PRKG1: variants seen among roughly 807,000 people sequenced by gnomAD.
PRKG1 encodes protein kinase cGMP-dependent 1.
PRKG1 carries 35 observed loss-of-function variants against 88.1 expected under a neutral mutation model. The observed-to-expected ratio is 0.40, with a 90% CI of 0.30 to 0.53. The LOEUF is 0.53. Among genes scored for constraint, PRKG1 ranks in the 20% least tolerant of loss-of-function variants. PRKG1 has a pLI of 0.59. For synonymous variants in PRKG1, 303 were observed against 292.5 expected (o/e 1.04, Z -0.37); for missense variants, 540 against 839.8 (o/e 0.64, Z 4.41).
chr10:52,272,310 T>C, intron 11 of PRKG1, 82 bp from the exon 12 acceptor site: 8 of 1,083,794 alleles, frequency 7.4e-6, no homozygotes, highest in Non-Finnish European at 1.1e-5. Context: ...AAATCAAAAC[T>C]ATAATCTGGG....
intron 9 of PRKG1, 117 bp from the exon 10 acceptor site, chr10:52,251,453 G>C: frequency 1.3e-6 from 1 of 758,954 alleles, no homozygotes. Context: ...CTAAAAGCAA[G>C]ATGGAATGTA....
intron 2 of PRKG1, among the ~76,000 whole-genome samples, chr10:51,154,307 G>A (rs1322817571): frequency 6.6e-6 from 1 of 151,804 alleles, no homozygotes; most frequent in African/African-American, 2.4e-5. Context: ...GTGATATCTG[G>A]AGACATTTTT....
In PRKG1 at chr10:51,082,062, A is replaced by T. The variant is rs149432133; in HGVS notation, c.311+7161A>T. On this transcript the variant is annotated intron_variant, in intron 1 of 17. Transcript: ENST00000373980. ...TATGTAAGCCACCGCACCCCACCTG[A>T]TCATCTTTTTTTTAGGACAAAAACA... Among the ~76,000 whole-genome samples the T allele has an allele frequency of 2.1e-3, 315 of 152,254 alleles. 1 individual carries two copies. The highest frequency in any genetic ancestry group is 7.2e-3 in the African/African-American group (299 of 41,538).
At chr10:51,114,108 T>C (rs1385442258) in intron 1 of PRKG1, among the ~76,000 whole-genome samples, 2 of 152,144 alleles carry the variant, frequency 1.3e-5, no homozygotes, top group South Asian at 2.1e-4. Context: ...TCACTTTGCT[T>C]ATTCACTTCT....
chr10:52,014,623 C>T (rs200082097), intron 5 of PRKG1, among the ~76,000 whole-genome samples: 5 of 152,168 alleles, frequency 3.3e-5, no homozygotes, highest in Non-Finnish European at 5.9e-5. Flanking sequence ...CTCTTTCCAG[C>T]GTTAACTCAA....
intron 5 of PRKG1, among the ~76,000 whole-genome samples, chr10:52,014,566 C>T (rs189979014): frequency 1.3e-5 from 2 of 152,322 alleles, no homozygotes; most frequent in Admixed American, 1.3e-4. Context: ...TTCCTTTACA[C>T]ATTTCAAAAT....
chr10:51,664,100 A>G (rs1840366483), intron 3 of PRKG1, among the ~76,000 whole-genome samples: 3 of 152,074 alleles, frequency 2.0e-5, no homozygotes, highest in African/African-American at 7.2e-5. Flanking sequence ...CAGTGGGTTC[A>G]TTTTGCTGGA....
At position 51,315,010 on chromosome 10, in the gene PRKG1, A is replaced by G. The variant is rs1588828547; in HGVS notation, c.479-152713A>G. Among the ~76,000 whole-genome samples the G allele has an allele frequency of 2.6e-5, 4 of 152,204 alleles. No individual in the cohort carries two copies. In the South Asian group the frequency reaches 8.3e-4, roughly 32 times the overall value. ...AAGCAAATATTAACTTGGCTGGGATATGATTTTCAAACTACATTACAGTAG... is the reference window on the plus strand; with the variant it reads ...AAGCAAATATTAACTTGGCTGGGATGTGATTTTCAAACTACATTACAGTAG... On this transcript the variant is annotated intron_variant, in intron 2 of 17. Coordinates refer to ENST00000373980, the MANE Select transcript of PRKG1 (RefSeq NM_006258.4).
At chr10:51,277,208 T>C (rs1840146811) in intron 2 of PRKG1, among the ~76,000 whole-genome samples, 1 of 152,238 alleles carries the variant, frequency 6.6e-6, no homozygotes, top group Non-Finnish European at 1.5e-5. Flanking sequence ...GTACCATTTA[T>C]TAAATAGGCA....
chr10:51,573,780 T>C (rs1187559363), intron 3 of PRKG1, among the ~76,000 whole-genome samples: 1 of 151,958 alleles, frequency 6.6e-6, no homozygotes, highest in Admixed American at 6.6e-5. Context: ...TTTCTGTTTA[T>C]GCTCAATGAA....
At chr10:51,357,656 TC>T (rs1353506474) in intron 2 of PRKG1, among the ~76,000 whole-genome samples, 6 of 152,012 alleles carry the variant, frequency 3.9e-5, no homozygotes, top group Non-Finnish European at 5.9e-5. Flanking sequence ...AGTGGTCATA[TC>T]CCATAGTCAT....
intron 4 of PRKG1, among the ~76,000 whole-genome samples, chr10:51,834,615 C>T (rs1212262418): frequency 1.3e-5 from 2 of 150,178 alleles, no homozygotes; most frequent in African/African-American, 2.5e-5. Context: ...TGATACTACA[C>T]TCTAGCCTGG....
At chr10:52,023,009 T>A (rs1257963789) in intron 5 of PRKG1, among the ~76,000 whole-genome samples, 1 of 152,166 alleles carries the variant, frequency 6.6e-6, no homozygotes, top group East Asian at 1.9e-4. Context: ...GGTGGTTTGC[T>A]GTACCCATCA....
At chr10:52,275,686 A>G in intron 12 of PRKG1, among the ~76,000 whole-genome samples, 1 of 152,042 alleles carries the variant, frequency 6.6e-6, no homozygotes. Context: ...TCCCATATGA[A>G]TTTTAGAATT....
At chr10:51,811,688 T>G (rs771421346) in intron 4 of PRKG1, among the ~76,000 whole-genome samples, 2 of 152,200 alleles carry the variant, frequency 1.3e-5, no homozygotes, top group Non-Finnish European at 2.9e-5. Flanking sequence ...CAAGGTAAAA[T>G]TCCCCACAAT....
chr10:51,953,910 GC>G (rs1843243422), intron 5 of PRKG1, among the ~76,000 whole-genome samples: 1 of 151,948 alleles, frequency 6.6e-6, no homozygotes, highest in Non-Finnish European at 1.5e-5. Flanking sequence ...TAAAGAAATT[GC>G]CCCTTTTATC....
chr10:51,823,196 AG>A (rs1839794250), intron 4 of PRKG1, among the ~76,000 whole-genome samples: 1 of 152,116 alleles, frequency 6.6e-6, no homozygotes, highest in African/African-American at 2.4e-5. Flanking sequence ...GGGACCAAAA[AG>A]CTTGAGAACC....
intron 2 of PRKG1, among the ~76,000 whole-genome samples, chr10:51,424,690 C>T (rs1430343431): frequency 6.6e-6 from 1 of 152,046 alleles, no homozygotes; most frequent in Non-Finnish European, 1.5e-5. Context: ...TGATGAAAGA[C>T]CCCCATGTTT....
In PRKG1 at chr10:51,684,139, A is replaced by G. The variant is rs188113400; in HGVS notation, c.593-120446A>G. Among the ~76,000 whole-genome samples the G allele has an allele frequency of 3.3e-4, 51 of 152,368 alleles. 1 individual carries two copies. The highest frequency in any genetic ancestry group is 1.2e-3 in the African/African-American group (51 of 41,596). Reference sequence around the variant, plus strand: ...CAAATATCCATCAACTGGTGAATGAATAAATAAAATGTGGTATATTCATAC... The same window carrying G: ...CAAATATCCATCAACTGGTGAATGAGTAAATAAAATGTGGTATATTCATAC... On this transcript the variant is annotated intron_variant, in intron 3 of 17. Transcript: ENST00000373980.
Sources: gnomAD v4.1 joint callset for allele counts (sites outside exome capture counted in the v4.1 genomes callset) on GRCh38, gnomAD v4.1.1 for gene constraint, MANE v1.5 for transcripts, NCBI Gene and HGNC (gene_info 2026-07-23, HGNC 2026-07-21) for gene names.